The following NRXN1 variants were observed in gnomAD, a reference collection of about 807,000 sequenced individuals.
The protein encoded by NRXN1 is neurexin 1.
Under a neutral mutation model 150.9 loss-of-function variants are expected in NRXN1, and 39 were observed. The observed-to-expected ratio is 0.26, with a 90% CI of 0.20 to 0.34. The LOEUF is 0.34. Among genes scored for constraint, NRXN1 ranks in the 10% least tolerant of loss-of-function variants. The pLI, the probability that NRXN1 is intolerant of heterozygous loss-of-function variation, is 1.00. For synonymous variants in NRXN1, 924 were observed against 757.0 expected (o/e 1.22, Z -3.62); for missense variants, 1,815 against 1,949.9 (o/e 0.93, Z 1.30).
intron 19 of NRXN1, among the ~76,000 whole-genome samples, chr2:50,083,463 T>G (rs941365944): frequency 6.6e-6 from 1 of 152,200 alleles, no homozygotes; most frequent in African/African-American, 2.4e-5. Context: ...TCTCACTGAC[T>G]TCAAGAATGA....
intron 17 of NRXN1, among the ~76,000 whole-genome samples, chr2:50,353,773 A>G (rs2078593859): frequency 6.6e-6 from 1 of 152,100 alleles, no homozygotes; most frequent in African/African-American, 2.4e-5. Context: ...GTCTATAGTC[A>G]AGCTCAGCCA....
chr2:50,364,239 T>C (rs2079429566), intron 17 of NRXN1, among the ~76,000 whole-genome samples: 1 of 152,156 alleles, frequency 6.6e-6, no homozygotes, highest in Non-Finnish European at 1.5e-5. Flanking sequence ...TAAAGTATAA[T>C]TTTAAAAAAT....
chr2:50,441,866 G>A (rs1393961533), intron 17 of NRXN1, among the ~76,000 whole-genome samples: 3 of 152,178 alleles, frequency 2.0e-5, no homozygotes, highest in Admixed American at 2.0e-4. Flanking sequence ...CCATAAGGCA[G>A]ATACACCTAC....
intron 5 of NRXN1, among the ~76,000 whole-genome samples, chr2:50,721,191 T>C (rs955272448): frequency 8.5e-5 from 13 of 152,234 alleles, no homozygotes; most frequent in African/African-American, 2.6e-4. Flanking sequence ...TCTCAGAATA[T>C]ACCTTAAATT....
At chr2:50,871,204 C>T (rs1677732335) in intron 5 of NRXN1, among the ~76,000 whole-genome samples, 1 of 151,760 alleles carries the variant, frequency 6.6e-6, no homozygotes, top group Non-Finnish European at 1.5e-5. Flanking sequence ...TTCAGTTTAT[C>T]TTTACTGCAA....
chr2:50,228,500 C>T (rs2064623478), intron 18 of NRXN1, among the ~76,000 whole-genome samples: 1 of 151,800 alleles, frequency 6.6e-6, no homozygotes, highest in African/African-American at 2.4e-5. Context: ...GTTTCAGTCG[C>T]CTGTGAGACA....
chr2:50,308,138 C>A (rs2152960242), intron 17 of NRXN1, among the ~76,000 whole-genome samples: 1 of 152,118 alleles, frequency 6.6e-6, no homozygotes, highest in East Asian at 1.9e-4. Context: ...TGACTACTGT[C>A]TTAGCAGTTT....
At chr2:50,007,595 T>G (rs916769493) in intron 21 of NRXN1, among the ~76,000 whole-genome samples, 7 of 152,156 alleles carry the variant, frequency 4.6e-5, no homozygotes, top group African/African-American at 1.7e-4. Flanking sequence ...TATTCCCTAG[T>G]GTATATGTGC....
intron 18 of NRXN1, among the ~76,000 whole-genome samples, chr2:50,224,723 G>C (rs1410636739): frequency 3.8e-5 from 5 of 132,780 alleles, no homozygotes; most frequent in Non-Finnish European, 6.3e-5. Context: ...GAGAGAGAGA[G>C]AGAGAGAGAG....
chr2:50,792,359 T>C (rs923882341), intron 5 of NRXN1, among the ~76,000 whole-genome samples: 3 of 152,122 alleles, frequency 2.0e-5, no homozygotes, highest in African/African-American at 7.2e-5. Flanking sequence ...GATTTAGAGA[T>C]CATGTCCATC....
At chr2:50,956,658 G>A (rs1013908958) in intron 2 of NRXN1, among the ~76,000 whole-genome samples, 1 of 152,022 alleles carries the variant, frequency 6.6e-6, no homozygotes, top group African/African-American at 2.4e-5. Context: ...TGAGGCAGGA[G>A]AATCACTTGA....
At chr2:50,051,426 C>A (rs1018932041) in intron 21 of NRXN1, among the ~76,000 whole-genome samples, 5 of 152,096 alleles carry the variant, frequency 3.3e-5, no homozygotes, top group South Asian at 4.1e-4. Context: ...TTCATAAAAG[C>A]ATTCCTAACT....
chr2:50,890,943 A>C (rs11694659), intron 5 of NRXN1, among the ~76,000 whole-genome samples: 26,071 of 151,918 alleles, frequency 0.17, 2,813 homozygotes, highest in East Asian at 0.42. Context: ...GTAGATATTT[A>C]ATGCCTTAAC....
intron 5 of NRXN1, among the ~76,000 whole-genome samples, chr2:50,689,949 C>T (rs1180521508): frequency 1.3e-5 from 2 of 150,388 alleles, no homozygotes; most frequent in African/African-American, 4.9e-5. Context: ...TGCAATGGTG[C>T]GATCTCGGCT....
intron 19 of NRXN1, among the ~76,000 whole-genome samples, chr2:50,087,378 C>T (rs1698940058): frequency 6.6e-6 from 1 of 152,018 alleles, no homozygotes; most frequent in South Asian, 2.1e-4. Context: ...TCTTTTGACA[C>T]ACTGTGATAG....
chr2:50,478,343 T>C (rs1029352857), intron 15 of NRXN1, among the ~76,000 whole-genome samples: 2 of 152,196 alleles, frequency 1.3e-5, no homozygotes, highest in Non-Finnish European at 2.9e-5. Flanking sequence ...TAAACTTCTA[T>C]AAGAAACCAC....
chr2:50,220,064 C>T (rs1215300872), intron 18 of NRXN1, among the ~76,000 whole-genome samples: 2 of 132,472 alleles, frequency 1.5e-5, no homozygotes. Context: ...CTCATATGAG[C>T]CACAATTTAA....
intron 5 of NRXN1, among the ~76,000 whole-genome samples, chr2:50,716,260 T>C (rs536431064): frequency 1.2e-4 from 18 of 152,266 alleles, no homozygotes; most frequent in African/African-American, 3.6e-4. Context: ...GAGAGACTGA[T>C]ATAAGACAAC....
At chr2:50,510,573 T>C (rs2092416347) in intron 12 of NRXN1, among the ~76,000 whole-genome samples, 1 of 146,328 alleles carries the variant, frequency 6.8e-6, no homozygotes, top group Non-Finnish European at 1.5e-5. Context: ...TTAAAAGACA[T>C]CATTCCTTAT....
Sources: allele counts gnomAD v4.1 joint callset (sites outside exome capture counted in the v4.1 genomes callset), GRCh38; gene constraint gnomAD v4.1.1; transcripts MANE v1.5; gene names NCBI Gene and HGNC (gene_info 2026-07-23, HGNC 2026-07-21).